Variants in PTPRD observed in about 807,000 individuals in gnomAD.
The protein encoded by PTPRD is protein tyrosine phosphatase receptor type D.
PTPRD carries 34 observed loss-of-function variants against 214.5 expected under a neutral mutation model. The observed-to-expected ratio is 0.16, with a 90% CI of 0.12 to 0.21. PTPRD has a LOEUF of 0.21. PTPRD is among the 10% of genes least tolerant of loss of function. The pLI is 1.00. For missense variants in PTPRD, 2,545 were observed against 2,398.7 expected (o/e 1.06, Z -1.27); for synonymous variants, 1,128 against 845.7 (o/e 1.33, Z -5.79).
intron 3 of PTPRD, among the ~76,000 whole-genome samples, chr9:10,160,609 A>C (rs910351326): frequency 1.3e-4 from 20 of 152,086 alleles, no homozygotes; most frequent in African/African-American, 3.8e-4. Context: ...AGCCAAGCCC[A>C]CAGCTAACCA....
At chr9:9,059,708 A>G (rs1303318587) in intron 10 of PTPRD, among the ~76,000 whole-genome samples, 1 of 152,094 alleles carries the variant, frequency 6.6e-6, no homozygotes, top group Non-Finnish European at 1.5e-5. Flanking sequence ...AAGATGAAAT[A>G]TCAATAAATG....
chr9:9,979,990 C>T (rs9299106), intron 4 of PTPRD, among the ~76,000 whole-genome samples: 113,108 of 151,950 alleles, frequency 0.74, 42,792 homozygotes, highest in Middle Eastern at 0.88. Flanking sequence ...TATTAATAAT[C>T]CACATGTGAG....
At chr9:8,337,687 G>T (rs533406433) in intron 43 of PTPRD, among the ~76,000 whole-genome samples, 4 of 151,906 alleles carry the variant, frequency 2.6e-5, no homozygotes, top group Middle Eastern at 6.8e-3. Flanking sequence ...AGCAACTTCC[G>T]GTTTCAATCT....
At chr9:8,777,338 T>C (rs1198436226) in intron 11 of PTPRD, among the ~76,000 whole-genome samples, 1 of 151,968 alleles carries the variant, frequency 6.6e-6, no homozygotes, top group East Asian at 1.9e-4. Context: ...AATTAATACA[T>C]TTGTCTTTTA....
chr9:8,956,858 A>G (rs1055892034), intron 11 of PTPRD, among the ~76,000 whole-genome samples: 2 of 151,790 alleles, frequency 1.3e-5, no homozygotes, highest in African/African-American at 2.4e-5. Flanking sequence ...TAAACTACCA[A>G]TCACCCAGGC....
intron 14 of PTPRD, among the ~76,000 whole-genome samples, chr9:8,552,708 C>G (rs2082471773): frequency 6.6e-6 from 1 of 152,174 alleles, no homozygotes; most frequent in African/African-American, 2.4e-5. Context: ...AAGCCAAATG[C>G]AACCCCAAGA....
chr9:9,620,782 T>A (rs551435867), intron 7 of PTPRD, among the ~76,000 whole-genome samples: 1 of 151,552 alleles, frequency 6.6e-6, no homozygotes, highest in Non-Finnish European at 1.5e-5. Context: ...AGTGATGACA[T>A]AGAACTTTAT....
chr9:9,347,154 G>A (rs1195655559), intron 9 of PTPRD, among the ~76,000 whole-genome samples: 2 of 152,096 alleles, frequency 1.3e-5, no homozygotes, highest in South Asian at 2.1e-4. Context: ...GGGTAACAGA[G>A]TGAGGCTCTG....
At chr9:9,281,880 A>T (rs1947828592) in intron 9 of PTPRD, among the ~76,000 whole-genome samples, 1 of 151,402 alleles carries the variant, frequency 6.6e-6, no homozygotes, top group African/African-American at 2.4e-5. Flanking sequence ...TGAATGGATA[A>T]ACTGTAGTAT....
intron 3 of PTPRD, among the ~76,000 whole-genome samples, chr9:10,340,740 C>T (rs2096923324): frequency 6.6e-6 from 1 of 151,878 alleles, no homozygotes; most frequent in Non-Finnish European, 1.5e-5. Context: ...ATGAGCAATA[C>T]TGTCAGAAGA....
intron 9 of PTPRD, among the ~76,000 whole-genome samples, chr9:9,294,486 C>T (rs765505388): frequency 2.6e-4 from 39 of 151,552 alleles, no homozygotes; most frequent in Non-Finnish European, 5.0e-4. Flanking sequence ...TGTATTTGGA[C>T]GTAAGGCTGC....
chr9:8,376,111 C>T lies in PTPRD; in HGVS notation c.4507-21G>A, dbSNP rs767627112. 5.0e-6 allele frequency: 8 copies of T among 1,610,238 alleles called. No homozygotes were observed. In the South Asian group the frequency reaches 8.8e-5, roughly 18 times the overall value. On this transcript the variant is annotated intron_variant, in intron 38 of 45. Coordinates refer to ENST00000381196, the MANE Select transcript of PTPRD (RefSeq NM_002839.4). The stretch of plus-strand genomic sequence containing the variant: ...CCATTCTGTGAAATAGGAATATCAG[C>T]TGAAATTCTGTTTTCCAAGCCTCAG...
chr9:9,622,654 G>T (rs1044365704), intron 7 of PTPRD, among the ~76,000 whole-genome samples: 3 of 152,084 alleles, frequency 2.0e-5, no homozygotes, highest in Non-Finnish European at 4.4e-5. Flanking sequence ...CCGAAAAAAA[G>T]TTCATAAAGT....
intron 5 of PTPRD, among the ~76,000 whole-genome samples, chr9:9,825,643 T>C (rs1055075671): frequency 1.3e-5 from 2 of 151,934 alleles, no homozygotes; most frequent in African/African-American, 4.8e-5. Flanking sequence ...CTACGGGGTA[T>C]TCTCAGGGAA....
At chr9:8,436,316 T>C (rs1461721203) in intron 35 of PTPRD, among the ~76,000 whole-genome samples, 1 of 146,704 alleles carries the variant, frequency 6.8e-6, no homozygotes, top group Non-Finnish European at 1.5e-5. Flanking sequence ...ATATATACAA[T>C]TATTGCCAAT....
At chr9:10,052,803 T>C (rs1212913630) in intron 3 of PTPRD, among the ~76,000 whole-genome samples, 1 of 152,196 alleles carries the variant, frequency 6.6e-6, no homozygotes, top group Non-Finnish European at 1.5e-5. Context: ...TCATCTACTC[T>C]ACTCATTCTT....
intron 5 of PTPRD, among the ~76,000 whole-genome samples, chr9:9,879,174 T>C (rs549852797): frequency 1.3e-5 from 2 of 152,364 alleles, no homozygotes; most frequent in South Asian, 2.1e-4. Context: ...AGAGAAATTG[T>C]AATCAGTAGT....
At chr9:9,620,113 C>CA (rs1264322354) in intron 7 of PTPRD, among the ~76,000 whole-genome samples, 1 of 152,056 alleles carries the variant, frequency 6.6e-6, no homozygotes, top group African/African-American at 2.4e-5. Context: ...GCCTGGGATT[C>CA]ATAAACCCAT....
intron 3 of PTPRD, among the ~76,000 whole-genome samples, chr9:10,115,669 A>G (rs1328609825): frequency 6.6e-6 from 1 of 152,046 alleles, no homozygotes; most frequent in African/African-American, 2.4e-5. Context: ...GTTCCCCACT[A>G]AGGGAAAGAT....
Sources: allele counts gnomAD v4.1 joint callset (sites outside exome capture counted in the v4.1 genomes callset), GRCh38; gene constraint gnomAD v4.1.1; transcripts MANE v1.5; gene names NCBI Gene and HGNC (gene_info 2026-07-23, HGNC 2026-07-21).